The following DLGAP2 variants were observed in gnomAD, a reference collection of about 807,000 sequenced individuals.
The protein encoded by DLGAP2 is disks large-associated protein 2.
DLGAP2 carries 26 observed loss-of-function variants against 100.3 expected under a neutral mutation model. The ratio of observed to expected loss-of-function variants is 0.26; its 90% CI spans 0.19 to 0.36. DLGAP2 has a LOEUF of 0.36. Among genes scored for constraint, DLGAP2 ranks in the 10% least tolerant of loss-of-function variants. DLGAP2 has a pLI of 1.00. For missense variants in DLGAP2, 1,858 were observed against 1,453.2 expected (o/e 1.28, Z -4.53); for synonymous variants, 886 against 630.1 (o/e 1.41, Z -6.08).
At chr8:1,316,554 C>T (rs531294437) in intron 3 of DLGAP2, among the ~76,000 whole-genome samples, 11 of 128,126 alleles carry the variant, frequency 8.6e-5, no homozygotes, top group East Asian at 2.2e-4. Flanking sequence ...AGAGGCTGTG[C>T]GAGTGCAGCG....
intron 4 of DLGAP2, among the ~76,000 whole-genome samples, chr8:1,514,754 C>G (rs1379552130): frequency 6.6e-6 from 1 of 152,180 alleles, no homozygotes; most frequent in Admixed American, 6.5e-5. Flanking sequence ...GGTGGAGGCC[C>G]AAGCTCCTAG....
chr8:837,941 G>A (rs1796912374), intron 1 of DLGAP2, among the ~76,000 whole-genome samples: 1 of 148,986 alleles, frequency 6.7e-6, no homozygotes, highest in African/African-American at 2.5e-5. Flanking sequence ...CGCCATGTTG[G>A]CCAGGCTGCT....
At chr8:1,347,053 G>A (rs116357955) in intron 3 of DLGAP2, among the ~76,000 whole-genome samples, 11,762 of 151,976 alleles carry the variant, frequency 0.077, 508 homozygotes, top group Middle Eastern at 0.17. Flanking sequence ...GTAACTGTGC[G>A]GAGGATGAGT....
intron 3 of DLGAP2, among the ~76,000 whole-genome samples, chr8:1,357,091 G>A (rs1801871571): frequency 6.6e-6 from 1 of 150,848 alleles, no homozygotes; most frequent in Admixed American, 6.6e-5. Flanking sequence ...TGACATTAAA[G>A]CAGATGAGCC....
chr8:810,266 C>T (rs1472053749), intron 1 of DLGAP2, among the ~76,000 whole-genome samples: 8 of 152,214 alleles, frequency 5.3e-5, no homozygotes, highest in Admixed American at 3.3e-4. Flanking sequence ...TCTTGCAATA[C>T]TTGACAATTT....
At chr8:839,233 G>T (rs1796937376) in intron 1 of DLGAP2, among the ~76,000 whole-genome samples, 1 of 152,066 alleles carries the variant, frequency 6.6e-6, no homozygotes, top group Non-Finnish European at 1.5e-5. Flanking sequence ...CCACTTCTTG[G>T]CACAAATCCA....
At chr8:1,409,932 C>T (rs1191704449) in intron 3 of DLGAP2, among the ~76,000 whole-genome samples, 2 of 152,184 alleles carry the variant, frequency 1.3e-5, no homozygotes, top group African/African-American at 2.4e-5. Flanking sequence ...TCTCAGCCTC[C>T]ATAATCATAT....
intron 2 of DLGAP2, among the ~76,000 whole-genome samples, chr8:988,073 A>T (rs73538117): frequency 6.6e-6 from 1 of 152,134 alleles, no homozygotes; most frequent in Non-Finnish European, 1.5e-5. Context: ...GGGGCCTAGC[A>T]TGGTTCTATT....
At chr8:1,546,245 A>G (rs553017732) in intron 4 of DLGAP2, among the ~76,000 whole-genome samples, 41 of 152,344 alleles carry the variant, frequency 2.7e-4, no homozygotes, top group African/African-American at 9.9e-4. Flanking sequence ...CCTTGAAGTT[A>G]AAGGATCTCT....
rs765589691 is a variant in DLGAP2, at chr8:1,565,656, G to A, written c.1231-27G>A. ...TGCCGTTCTCAGTGACAAAGTTGATGCGTGTTTCATGTCTGTCTGCTCCCA... is the reference window on the plus strand; with the variant it reads ...TGCCGTTCTCAGTGACAAAGTTGATACGTGTTTCATGTCTGTCTGCTCCCA... On this transcript the variant is annotated intron_variant, in intron 5 of 14. Transcript: ENST00000637795. 3 of 1,584,166 alleles carry A rather than the reference G, an allele frequency of 1.9e-6. No individual in the cohort carries two copies. In the South Asian group the frequency reaches 3.4e-5, roughly 18 times the overall value.
chr8:1,537,036 C>A (rs1476290900), intron 4 of DLGAP2, among the ~76,000 whole-genome samples: 1 of 151,856 alleles, frequency 6.6e-6, no homozygotes, highest in East Asian at 1.9e-4. Flanking sequence ...GAGAAGTAGT[C>A]AGGAAGTCTC....
At chr8:1,697,405 G>C (rs1054425425) in intron 14 of DLGAP2, 106 bp downstream of exon 14, 16 of 1,463,392 alleles carry the variant, frequency 1.1e-5, no homozygotes, top group Non-Finnish European at 1.4e-5. Context: ...TCTTTTGCTG[G>C]CAACACACGA....
chr8:1,546,997 C>A (rs868114595), intron 4 of DLGAP2, among the ~76,000 whole-genome samples: 1 of 152,046 alleles, frequency 6.6e-6, no homozygotes, highest in Non-Finnish European at 1.5e-5. Flanking sequence ...TCTTTGGCCT[C>A]GAGGACGGCA....
chr8:1,083,632 A>G (rs921411632), intron 2 of DLGAP2, among the ~76,000 whole-genome samples: 2 of 152,224 alleles, frequency 1.3e-5, no homozygotes, highest in African/African-American at 4.8e-5. Context: ...AGAAAATCAG[A>G]TATTAATGGT....
At chr8:1,158,808 G>T (rs2129052405) in intron 2 of DLGAP2, among the ~76,000 whole-genome samples, 2 of 152,176 alleles carry the variant, frequency 1.3e-5, no homozygotes, top group African/African-American at 4.8e-5. Context: ...CAACTGCACA[G>T]TTTTTTTTCT....
At chr8:1,052,922 G>A (rs139939095) in intron 2 of DLGAP2, among the ~76,000 whole-genome samples, 30 of 152,266 alleles carry the variant, frequency 2.0e-4, no homozygotes, top group Admixed American at 5.2e-4. Flanking sequence ...TGTCTATATA[G>A]AGAACCAGGT....
intron 1 of DLGAP2, among the ~76,000 whole-genome samples, chr8:789,075 T>C (rs1821954946): frequency 6.6e-6 from 1 of 152,244 alleles, no homozygotes; most frequent in Non-Finnish European, 1.5e-5. Context: ...GAGTTCTTTA[T>C]GTACTTTGGA....
chr8:1,580,041 C>T (rs1022252253), intron 6 of DLGAP2, among the ~76,000 whole-genome samples: 4 of 152,244 alleles, frequency 2.6e-5, no homozygotes, highest in African/African-American at 9.6e-5. Flanking sequence ...TTTCCCAGCA[C>T]TGATACCATT....
intron 2 of DLGAP2, among the ~76,000 whole-genome samples, chr8:908,909 A>G (rs906781274): frequency 1.3e-5 from 2 of 152,254 alleles, no homozygotes; most frequent in Admixed American, 1.3e-4. Flanking sequence ...AGACTCTTCT[A>G]TGGTAATTAG....
Sources: allele counts gnomAD v4.1 joint callset (sites outside exome capture counted in the v4.1 genomes callset), GRCh38; gene constraint gnomAD v4.1.1; transcripts MANE v1.5; gene names NCBI Gene and HGNC (gene_info 2026-07-23, HGNC 2026-07-21).